Variants in TENM2 observed in about 807,000 individuals in gnomAD.
TENM2 encodes the protein teneurin transmembrane protein 2, also known as teneurin-2.
In TENM2, 52 loss-of-function variants were observed where a neutral mutation model predicts 245.2. That is an observed-to-expected ratio of 0.21 (90% confidence interval 0.17 to 0.27). The LOEUF (loss-of-function observed/expected upper bound fraction) is 0.27, where lower values mean the gene tolerates loss of function less well. TENM2 is among the 10% of genes least tolerant of loss of function. The pLI is 1.00. For synonymous variants in TENM2, 1,363 were observed against 1,438.9 expected (o/e 0.95, Z 1.19); for missense variants, 3,046 against 3,666.8 (o/e 0.83, Z 4.37).
intron 2 of TENM2, among the ~76,000 whole-genome samples, chr5:167,506,571 C>T (rs1769564648): frequency 6.6e-6 from 1 of 152,160 alleles, no homozygotes; most frequent in Non-Finnish European, 1.5e-5. Flanking sequence ...AAATAAGACT[C>T]AGCAATCAAG....
At chr5:168,215,764 T>C (rs1437575349) in intron 21 of TENM2, among the ~76,000 whole-genome samples, 2 of 152,216 alleles carry the variant, frequency 1.3e-5, no homozygotes. Flanking sequence ...CGCCTGGAGA[T>C]TTCTGACTGC....
intron 27 of TENM2, among the ~76,000 whole-genome samples, chr5:168,253,765 G>C (rs1271598502): frequency 6.6e-6 from 1 of 152,198 alleles, no homozygotes; most frequent in Non-Finnish European, 1.5e-5. Context: ...CTTGGAGGTG[G>C]GGAGTTCAAA....
At chr5:167,042,345 G>A in the TENM2 span, among the ~76,000 whole-genome samples, 8 of 152,258 alleles carry the variant, frequency 5.3e-5, no homozygotes, top group South Asian at 1.7e-3. Context: ...GAGGGAAGTA[G>A]CATCACGTTT....
At chr5:167,962,332 G>T (rs1046386812) in intron 4 of TENM2, among the ~76,000 whole-genome samples, 1 of 151,956 alleles carries the variant, frequency 6.6e-6, no homozygotes, top group Non-Finnish European at 1.5e-5. Context: ...AGTATTCTTT[G>T]ATCCATATGT....
At chr5:167,333,315 T>G (rs1757563661) in intron 1 of TENM2, among the ~76,000 whole-genome samples, 1 of 152,184 alleles carries the variant, frequency 6.6e-6, no homozygotes. Flanking sequence ...TTACTTCACC[T>G]CTTAGCCTCG....
exon 19 of TENM2, chr5:168,204,411 C>T (rs756888823): frequency 6.2e-7 from 1 of 1,613,978 alleles, no homozygotes; most frequent in Non-Finnish European, 8.5e-7. Flanking sequence ...CAGTTCCTGA[C>T]CCAGCAGCCT....
rs772769602 is a variant in TENM2, at chr5:168,260,454, C to A, written c.7563+41C>A. The A allele has an allele frequency of 4.8e-5, 78 of 1,608,266 alleles. 1 individual carries two copies. The highest frequency in any genetic ancestry group is 1.9e-4 in the African/African-American group (14 of 74,824). On this transcript the variant is annotated intron_variant, in intron 28 of 28. Transcript: ENST00000518659. The stretch of plus-strand genomic sequence containing the variant: ...TGCCAAGAATCCAAATGATTGTCAT[C>A]ATTCCCTTTTGCAAACAGAACCTCA...
At chr5:166,982,837 G>A in the TENM2 span, among the ~76,000 whole-genome samples, 1 of 151,630 alleles carries the variant, frequency 6.6e-6, no homozygotes, top group Non-Finnish European at 1.5e-5. Flanking sequence ...CAGTAGTAGG[G>A]GACATAGCAG....
intron 3 of TENM2, among the ~76,000 whole-genome samples, chr5:167,934,082 T>G (rs781572479): frequency 6.6e-6 from 1 of 152,200 alleles, no homozygotes; most frequent in Non-Finnish European, 1.5e-5. Flanking sequence ...GATCTGGAAT[T>G]ATCAAACCAA....
At chr5:167,116,960 T>C in the TENM2 span, among the ~76,000 whole-genome samples, 1 of 152,212 alleles carries the variant, frequency 6.6e-6, no homozygotes, top group Non-Finnish European at 1.5e-5. Flanking sequence ...TGGTGATGAA[T>C]CAGTTTTCGT....
chr5:168,157,299 G>C (rs114218034), intron 12 of TENM2, among the ~76,000 whole-genome samples: 433 of 152,294 alleles, frequency 2.8e-3, no homozygotes, highest in Non-Finnish European at 4.6e-3. Context: ...GGCTGATGTG[G>C]TAAGAGTCAG....
chr5:168,149,349 C>G, intron 12 of TENM2: 1 of 456,762 alleles, frequency 2.2e-6, no homozygotes, highest in South Asian at 1.5e-5. Context: ...GCAGAATCCT[C>G]ACAAAATCCA....
rs1348447941 is a variant in TENM2 at position 168,118,327 on chromosome 5, T to C, written c.1849T>C (p.Tyr617His). ...TGTCCTGTGCAGTGGGAATGGACAA[T>C]ATTCTAAAGGGACGTGCCAGTGCTA... The change falls in exon 10 of 29, where the codon TAT (tyrosine) becomes CAT (histidine). Residue 617 changes from tyrosine (Y) to histidine (H), a missense_variant. This residue lies in a region of TENM2 where 2,704 missense variants were observed against 3,331.9 expected (regional missense o/e 0.81). Transcript: ENST00000518659. 1 of 1,607,426 alleles carries C rather than the reference T, an allele frequency of 6.2e-7. No homozygotes were observed.
At chr5:168,241,553 G>T (rs574297941) in intron 25 of TENM2, among the ~76,000 whole-genome samples, 1 of 151,212 alleles carries the variant, frequency 6.6e-6, no homozygotes, top group Non-Finnish European at 1.5e-5. Context: ...TGAGCCACAC[G>T]CACCTGGCCT....
intron 3 of TENM2, among the ~76,000 whole-genome samples, chr5:167,944,736 T>G (rs1396833742): frequency 2.6e-5 from 4 of 152,188 alleles, no homozygotes; most frequent in Non-Finnish European, 4.4e-5. Context: ...GTGATGAAAA[T>G]GTTCTAAAAT....
At chr5:167,295,386 T>C (rs957387526) in intron 1 of TENM2, among the ~76,000 whole-genome samples, 6 of 152,252 alleles carry the variant, frequency 3.9e-5, no homozygotes, top group African/African-American at 1.4e-4. Context: ...GTGCCACATG[T>C]TGCAGTTAAG....
intron 7 of TENM2, among the ~76,000 whole-genome samples, chr5:168,076,053 A>G (rs576936110): frequency 6.6e-6 from 1 of 152,298 alleles, no homozygotes; most frequent in South Asian, 2.1e-4. Context: ...CAGCCAAACC[A>G]TATCAGTTTC....
chr5:168,137,709 G>A (rs983529157), intron 12 of TENM2, among the ~76,000 whole-genome samples: 2 of 152,200 alleles, frequency 1.3e-5, no homozygotes, highest in Non-Finnish European at 2.9e-5. Flanking sequence ...GGAAGATACC[G>A]GAGGCAGTGT....
At chr5:167,170,976 G>A in the TENM2 span, among the ~76,000 whole-genome samples, 3 of 152,114 alleles carry the variant, frequency 2.0e-5, no homozygotes, top group Non-Finnish European at 2.9e-5. Context: ...CTCCTTCTCA[G>A]TATCCTTTGC....
Sources: gnomAD v4.1 joint callset for allele counts (sites outside exome capture counted in the v4.1 genomes callset) on GRCh38, gnomAD v4.1.1 for gene constraint, gnomAD v4.1.1 regional missense constraint, MANE v1.5 for transcripts, NCBI Gene and HGNC (gene_info 2026-07-23, HGNC 2026-07-21) for gene names.